Variants in LVRN observed in about 807,000 individuals in gnomAD.
LVRN encodes the protein laeverin.
Under a neutral mutation model 111.4 loss-of-function variants are expected in LVRN, and 99 were observed. The ratio of observed to expected loss-of-function variants is 0.89; its 90% CI spans 0.76 to 1.05. LVRN has a LOEUF of 1.05. Among genes scored for constraint, LVRN ranks in the 50% least tolerant of loss-of-function variants. The probability of loss-of-function intolerance (pLI) is 0.00; values close to 1 mark genes in which losing one functional copy is unlikely to be tolerated. For synonymous variants in LVRN, 488 were observed against 449.5 expected (o/e 1.09, Z -1.08); for missense variants, 1,414 against 1,206.8 (o/e 1.17, Z -2.54).
intron 1 of LVRN, among the ~76,000 whole-genome samples, chr5:115,964,692 G>A (rs1277338073): frequency 6.6e-6 from 1 of 151,994 alleles, no homozygotes; most frequent in Non-Finnish European, 1.5e-5. Flanking sequence ...GCCCAGTCAA[G>A]CTTGCAAATG....
At chr5:116,013,382 C>T (rs927464495) in intron 15 of LVRN, among the ~76,000 whole-genome samples, 3 of 152,154 alleles carry the variant, frequency 2.0e-5, no homozygotes, top group Non-Finnish European at 4.4e-5. Flanking sequence ...TGTGCTCAAT[C>T]AGGCAGCACA....
intron 6 of LVRN, 150 bp downstream of exon 6, chr5:115,994,004 ATT>A: frequency 2.1e-6 from 1 of 478,954 alleles, no homozygotes; most frequent in Non-Finnish European, 3.5e-6. Context: ...GCTTTTTGAT[ATT>A]TTTTTTTAAT....
rs114609424 is a variant in LVRN at position 115,965,237 on chromosome 5, T to C, written c.695+1925T>C. ...TTATCTAAACGCAGAACCTGCCAAG[T>C]TCCTGGTATATATGAGTCTAAGAAG... is the stretch of plus-strand genomic sequence containing the variant. On this transcript the variant is annotated intron_variant, in intron 1 of 19. Transcript: ENST00000357872. Among the ~76,000 whole-genome samples, 1,215 of 152,280 alleles carry C rather than the reference T, an allele frequency of 8.0e-3. 7 individuals are homozygous for C. Among genetic ancestry groups the C allele is most frequent in the Middle Eastern group, 0.014 (4 of 294 alleles).
At chr5:116,006,250 T>C (rs955909281) in intron 13 of LVRN, among the ~76,000 whole-genome samples, 2 of 152,220 alleles carry the variant, frequency 1.3e-5, no homozygotes, top group Non-Finnish European at 2.9e-5. Context: ...GAATTATTTA[T>C]TTTATTTATA....
chr5:115,993,557 A>G (rs909905044), intron 5 of LVRN, among the ~76,000 whole-genome samples, 184 bp from the exon 6 acceptor site: 8 of 152,190 alleles, frequency 5.3e-5, no homozygotes, highest in Non-Finnish European at 1.2e-4. Flanking sequence ...ATGCATGACT[A>G]ATATCTATTT....
chr5:115,993,956 T>A, intron 6 of LVRN, 102 bp downstream of exon 6: 1 of 640,126 alleles, frequency 1.6e-6, no homozygotes. Flanking sequence ...ATACAAGAAA[T>A]AATAAATTAC....
At chr5:116,017,121 T>C (rs926867432) in intron 18 of LVRN, among the ~76,000 whole-genome samples, 4 of 152,274 alleles carry the variant, frequency 2.6e-5, no homozygotes, top group Admixed American at 6.5e-5. Flanking sequence ...ACAAGCACAG[T>C]TGCAAATCTC....
chr5:115,986,454 GA>G (rs1320970144), intron 3 of LVRN, among the ~76,000 whole-genome samples: 1 of 152,104 alleles, frequency 6.6e-6, no homozygotes, highest in Non-Finnish European at 1.5e-5. Flanking sequence ...AGATCACCCC[GA>G]AAAGGATGCC....
intron 18 of LVRN, chr5:116,020,191 C>T (rs1021796710): frequency 2.0e-5 from 3 of 152,170 alleles, no homozygotes; most frequent in Admixed American, 6.6e-5. Flanking sequence ...AATTATTGGG[C>T]CAAAGATGAT....
At chr5:116,017,816 T>C (rs1433055435) in intron 18 of LVRN, among the ~76,000 whole-genome samples, 2 of 152,260 alleles carry the variant, frequency 1.3e-5, no homozygotes, top group East Asian at 3.8e-4. Context: ...GATAATATGA[T>C]GTATCTGCTT....
chr5:116,023,547 C>T (rs1053042066), intron 19 of LVRN: 7 of 152,214 alleles, frequency 4.6e-5, no homozygotes, highest in Non-Finnish European at 7.3e-5. Flanking sequence ...TTGGTCTAAC[C>T]AGGGTCCTGT....
chr5:115,983,102 T>C (rs1747748827), intron 1 of LVRN, among the ~76,000 whole-genome samples, 185 bp from the exon 2 acceptor site: 1 of 152,132 alleles, frequency 6.6e-6, no homozygotes. Flanking sequence ...TTTTAGGTCT[T>C]AGGAGAATTC....
chr5:116,009,263 G>GA (rs1394020364), intron 13 of LVRN, among the ~76,000 whole-genome samples: 1 of 150,476 alleles, frequency 6.6e-6, no homozygotes, highest in Non-Finnish European at 1.5e-5. Flanking sequence ...TACTGCTCAG[G>GA]AAAAAAAAAG....
intron 6 of LVRN, among the ~76,000 whole-genome samples, chr5:115,994,251 A>G (rs1288974874): frequency 6.6e-6 from 1 of 151,810 alleles, no homozygotes; most frequent in Non-Finnish European, 1.5e-5. Context: ...TATATAGACT[A>G]TATATATATA....
intron 4 of LVRN, among the ~76,000 whole-genome samples, chr5:115,990,750 G>A (rs1204951385): frequency 1.3e-5 from 2 of 151,758 alleles, no homozygotes; most frequent in Non-Finnish European, 2.9e-5. Flanking sequence ...TTTTCTATTT[G>A]TAGTAGAGAC....
At chr5:115,965,590 G>C (rs1436798877) in intron 1 of LVRN, among the ~76,000 whole-genome samples, 1 of 152,118 alleles carries the variant, frequency 6.6e-6, no homozygotes, top group East Asian at 1.9e-4. Context: ...TGGTTTTGTT[G>C]TGTCCCCACG....
chr5:115,995,999 A>G (rs372469678), intron 6 of LVRN, among the ~76,000 whole-genome samples: 2 of 151,768 alleles, frequency 1.3e-5, no homozygotes, highest in South Asian at 4.2e-4. Flanking sequence ...GTATGTGTTT[A>G]TTGTCTTAGC....
intron 1 of LVRN, among the ~76,000 whole-genome samples, chr5:115,965,437 TG>T (rs1212869182): frequency 6.6e-6 from 1 of 152,224 alleles, no homozygotes; most frequent in Non-Finnish European, 1.5e-5. Context: ...GTAAACTTTA[TG>T]TTATGTGTAT....
intron 10 of LVRN, among the ~76,000 whole-genome samples, 177 bp downstream of exon 10, chr5:116,001,416 G>A (rs948856428): frequency 6.6e-6 from 1 of 152,180 alleles, no homozygotes; most frequent in Admixed American, 6.5e-5. Context: ...GAGACCCGCA[G>A]TTAGGGATTC....
Sources: allele counts gnomAD v4.1 joint callset (sites outside exome capture counted in the v4.1 genomes callset), GRCh38; gene constraint gnomAD v4.1.1; transcripts MANE v1.5; gene names NCBI Gene and HGNC (gene_info 2026-07-23, HGNC 2026-07-21).